ASMT: variants seen among roughly 807,000 people sequenced by gnomAD.
The protein encoded by ASMT is acetylserotonin O-methyltransferase.
ASMT carries 53 observed loss-of-function variants against 41.3 expected under a neutral mutation model. That is an observed-to-expected ratio of 1.28 (90% confidence interval 1.03 to 1.61). The LOEUF (loss-of-function observed/expected upper bound fraction) is 1.61. ASMT is among the 40% of genes most tolerant of loss of function. The pLI, the probability that ASMT is intolerant of heterozygous loss-of-function variation, is 0.00. For synonymous variants in ASMT, 231 were observed against 184.8 expected (o/e 1.25, Z -2.03); for missense variants, 531 against 441.3 (o/e 1.20, Z -1.82).
At chrX:1,635,129 C>T (rs754082750) in intron 7 of ASMT, among the ~76,000 whole-genome samples, 9 of 146,050 alleles carry the variant, frequency 6.2e-5, no homozygotes, top group South Asian at 2.2e-4. Flanking sequence ...CGCCCACCAC[C>T]ACGCCCAGCT....
At position 1,623,300 on chromosome X, in the gene ASMT, G is replaced by A. The variant is rs375934910; in HGVS notation, c.231G>A (p.Thr77=). ...CCCTGAAGCTGCTGAAAGTGGAGAC[G>A]AGGGGAGGAAAAGGTGAGGACACGG... ...CVSLKLLKVE[T]RGGKAFYRNT... The change falls in exon 2 of 9, where the codon ACG becomes ACA. Residue 77 remains threonine, a synonymous_variant. Transcript: ENST00000381241. 5.5e-5 allele frequency: 89 copies of A among 1,613,968 alleles called. 1 individual carries two copies. The highest frequency in any genetic ancestry group is 1.7e-4 in the Middle Eastern group (1 of 6,044).
rs185357720 is a variant in ASMT, at chrX:1,620,103, A to C, written c.70-3036A>C. Among the ~76,000 whole-genome samples, 63 of 151,414 alleles carry C rather than the reference A, an allele frequency of 4.2e-4. No homozygotes were observed. In the East Asian group the frequency reaches 0.012, roughly 28 times the overall value. On this transcript the variant is annotated intron_variant, in intron 1 of 8. Transcript: ENST00000381241. ...GCCAGACTCCGTCTCAAAATAAATA[A>C]ATAAATAAATAAATAAAAAAGAAAA...
At chrX:1,635,757 G>T (rs1160906530) in intron 7 of ASMT, among the ~76,000 whole-genome samples, 6 of 151,734 alleles carry the variant, frequency 4.0e-5, no homozygotes, top group Admixed American at 2.6e-4. Flanking sequence ...AGCTACTCAG[G>T]AGGCTGAGGC....
rs1287088996 is a variant in ASMT, at chrX:1,615,808, A to G, written c.69+540A>G. Among the ~76,000 whole-genome samples, 4 of 151,836 alleles carry G rather than the reference A, an allele frequency of 2.6e-5. No individual in the cohort carries two copies. The East Asian group carries it at 5.8e-4, about 22-fold the overall frequency. The stretch of plus-strand genomic sequence containing the variant: ...CACAGCAAGACTCTGTGTCAAAAAA[A>G]AACCAAACAAACAACAAAAAAAAAG... On this transcript the variant is annotated intron_variant, in intron 1 of 8. Transcript: ENST00000381241.
intron 1 of ASMT, among the ~76,000 whole-genome samples, chrX:1,615,767 A>G (rs868049498): frequency 6.6e-6 from 1 of 151,786 alleles, no homozygotes; most frequent in South Asian, 2.1e-4. Context: ...GCACCACTGC[A>G]CTCCCGCCTG....
chrX:1,630,921 T>A (rs6421505), intron 5 of ASMT, among the ~76,000 whole-genome samples: 18,170 of 147,172 alleles, frequency 0.12, 1,323 homozygotes, highest in East Asian at 0.36. Context: ...TTATTTATTT[T>A]TTTTTTTGAG....
intron 1 of ASMT, among the ~76,000 whole-genome samples, chrX:1,616,833 C>T (rs1479185734): frequency 6.6e-5 from 10 of 151,468 alleles, no homozygotes; most frequent in Admixed American, 2.6e-4. Context: ...CTCAGCCTCC[C>T]GAGTAGCTGG....
At position 1,615,145 on chromosome X, in the gene ASMT, T is replaced by C; in HGVS notation, c.-55T>C. 1.3e-6 allele frequency: 2 copies of C among 1,516,146 alleles called. No homozygotes were observed. Among genetic ancestry groups the C allele is most frequent in the Non-Finnish European group, 1.8e-6 (2 of 1,112,990 alleles). The allele number at this position is 1,516,146 out of a possible 1,614,324, so 93.9% of individuals were successfully genotyped here. Reference sequence around the variant, plus strand: ...CCCACCTTGCCAGCAGGCTCTGTGCTCCTTGAAGCAAGCGCTCCAGAGGCT... The same window carrying C: ...CCCACCTTGCCAGCAGGCTCTGTGCCCCTTGAAGCAAGCGCTCCAGAGGCT... On this transcript the variant is annotated 5_prime_UTR_variant, in exon 1 of 9. Transcript: ENST00000381241.
intron 1 of ASMT, among the ~76,000 whole-genome samples, chrX:1,619,393 CA>C (rs752048500): frequency 0.12 from 9,955 of 84,462 alleles, 709 homozygotes; most frequent in African/African-American, 0.29. Flanking sequence ...GACCCTGTCT[CA>C]AAAAAAAAAA....
intron 1 of ASMT, among the ~76,000 whole-genome samples, chrX:1,616,734 A>C (rs1186222395): frequency 6.9e-6 from 1 of 144,642 alleles, no homozygotes; most frequent in Non-Finnish European, 1.5e-5. Flanking sequence ...TTTGAGACAG[A>C]GTCTCGCTCT....
chrX:1,625,814 C>A (rs772611836), intron 3 of ASMT, among the ~76,000 whole-genome samples: 2 of 151,422 alleles, frequency 1.3e-5, no homozygotes, highest in Non-Finnish European at 2.9e-5. Context: ...ATTAGCCGGG[C>A]GTGGTGGCGG....
At position 1,627,981 on chromosome X, in the gene ASMT, C is replaced by G. The variant is rs1934620298; in HGVS notation, c.443+210C>G. On this transcript the variant is annotated intron_variant, in intron 4 of 8. Coordinates refer to ENST00000381241, the MANE Select transcript of ASMT (RefSeq NM_001171038.2). ...AAATTCCTGAGGAGGTGCAACGTGA[C>G]CCTTCCTTCGAAAGGACTACTCACA... 1.1e-5 allele frequency: 7 copies of G among 632,530 alleles called. No individual in the cohort carries two copies. In the East Asian group the frequency reaches 1.4e-4, roughly 12 times the overall value. The allele number at this position is 632,530 out of a possible 1,614,324, so 39.2% of individuals were successfully genotyped here.
chrX:1,634,770 T>G (rs1338899737), intron 7 of ASMT, among the ~76,000 whole-genome samples: 1 of 150,176 alleles, frequency 6.7e-6, no homozygotes, highest in Non-Finnish European at 1.5e-5. Flanking sequence ...GTTCAAGCAA[T>G]TTTTTGCCTC....
chrX:1,637,011 A>G (rs868574336), intron 8 of ASMT, among the ~76,000 whole-genome samples: 6 of 69,128 alleles, frequency 8.7e-5, no homozygotes, highest in East Asian at 1.5e-3. Context: ...TGATGGGGAC[A>G]GTGTCCCAGC....
At chrX:1,617,062 A>G (rs1434027052) in intron 1 of ASMT, among the ~76,000 whole-genome samples, 3 of 152,044 alleles carry the variant, frequency 2.0e-5, no homozygotes, top group African/African-American at 7.2e-5. Context: ...AGTCCCAGCT[A>G]CTCAGGAGGC....
chrX:1,623,271 G>A lies in ASMT; in HGVS notation c.202G>A (p.Val68Met), dbSNP rs1384613806. Residue 68 changes from valine (V) to methionine (M), a missense_variant, in exon 2 of 9, where the codon GTG becomes ATG. Coordinates refer to ENST00000381241, the MANE Select transcript of ASMT (RefSeq NM_001171038.2). Reference protein sequence around the residue: ...HGTELLLDICVSLKLLKVETR... With the variant: ...HGTELLLDICMSLKLLKVETR... ...GACAGAGCTCCTGCTGGACATCTGT[G>A]TGTCCCTGAAGCTGCTGAAAGTGGA... 3 of 1,613,954 alleles carry A rather than the reference G, an allele frequency of 1.9e-6. No individual in the cohort carries two copies. The highest frequency in any genetic ancestry group is 2.5e-6 in the Non-Finnish European group (3 of 1,179,870).
Position 1,636,513 on chromosome X carries a change from G to C in ASMT, c.863G>C (p.Gly288Ala). 2 of 1,613,892 alleles carry C rather than the reference G, an allele frequency of 1.2e-6. No homozygotes were observed. Among genetic ancestry groups the C allele is most frequent in the Non-Finnish European group, 1.7e-6 (2 of 1,179,860 alleles). ...AGGGTCCTCCATGACTGGGCAGACG[G>C]AAAGTGCTCACACCTGCTGGAGAGG... is the stretch of plus-strand genomic sequence containing the variant. ...LARVLHDWAD[G>A]KCSHLLERIY... is the part of the protein sequence containing the mutation. The change falls in exon 8 of 9, where the codon GGA becomes GCA. Residue 288 changes from glycine (G) to alanine (A), a missense_variant. Gly to Ala is a moderately conservative substitution (Grantham distance 60, BLOSUM62 0). Transcript: ENST00000381241.
rs1444895848 is a variant in ASMT, at chrX:1,636,707, G to C, written c.910+147G>C. ...TGGCTTTCCTTTTAGATAACGACCTGAAATAAATAGGGTCCTAATTTCTAT... is the reference window on the plus strand; with the variant it reads ...TGGCTTTCCTTTTAGATAACGACCTCAAATAAATAGGGTCCTAATTTCTAT... On this transcript the variant is annotated intron_variant, in intron 8 of 8. Transcript: ENST00000381241. The C allele has an allele frequency of 3.3e-6, 4 of 1,197,074 alleles. No homozygotes were observed. In the African/African-American group the frequency reaches 6.0e-5, roughly 18 times the overall value. The allele number at this position is 1,197,074 out of a possible 1,614,324, so 74.2% of individuals were successfully genotyped here.
Position 1,615,208 on chromosome X carries a change from C to G in ASMT, c.9C>G (p.Ser3=). ...GCTGGATTGGAGACAAGATGGGATCCTCAGAGGACCAGGCCTATCGCCTCC... is the reference window on the plus strand; with the variant it reads ...GCTGGATTGGAGACAAGATGGGATCGTCAGAGGACCAGGCCTATCGCCTCC... MG[S]SEDQAYRLLN... is the part of the protein sequence containing the mutation. The change falls in exon 1 of 9, where the codon TCC becomes TCG. Residue 3 remains serine, a synonymous_variant. Coordinates refer to ENST00000381241, the MANE Select transcript of ASMT (RefSeq NM_001171038.2). 1 of 1,594,690 alleles carries G rather than the reference C, an allele frequency of 6.3e-7. No individual in the cohort carries two copies. Among genetic ancestry groups the G allele is most frequent in the Non-Finnish European group, 8.5e-7 (1 of 1,170,816 alleles).
Sources: gnomAD v4.1 joint callset for allele counts (sites outside exome capture counted in the v4.1 genomes callset) on GRCh38, gnomAD v4.1.1 for gene constraint, MANE v1.5 for transcripts, NCBI Gene and HGNC (gene_info 2026-07-23, HGNC 2026-07-21) for gene names.